The following SEC62 variants were observed in gnomAD, a reference collection of about 807,000 sequenced individuals.
SEC62 encodes SEC62 preprotein translocation factor.
A neutral mutation model predicts 47.5 loss-of-function variants in SEC62; 10 were observed. The observed-to-expected ratio is 0.21, with a 90% CI of 0.13 to 0.36. The LOEUF is 0.36. Among genes scored for constraint, SEC62 ranks in the 10% least tolerant of loss-of-function variants. The probability of loss-of-function intolerance (pLI) is 1.00; values close to 1 mark genes in which losing one functional copy is unlikely to be tolerated. For missense variants in SEC62, 327 were observed against 464.1 expected, an observed-to-expected ratio of 0.70 and a Z score of 2.71; for synonymous variants, 136 against 150.5, an observed-to-expected ratio of 0.90 and a Z score of 0.71.
At chr3:169,973,637 T>C (rs1442592725) in intron 1 of SEC62, among the ~76,000 whole-genome samples, 1 of 149,458 alleles carries the variant, frequency 6.7e-6, no homozygotes. Context: ...CACTCCAGCC[T>C]GGGAGACAGA....
intron 1 of SEC62, among the ~76,000 whole-genome samples, chr3:169,967,275 C>T (rs1714554795): frequency 6.6e-6 from 1 of 152,194 alleles, no homozygotes; most frequent in African/African-American, 2.4e-5. Context: ...GAAATTAAGG[C>T]CACGGTAATA....
At chr3:169,975,058 A>G (rs1234345874) in intron 1 of SEC62, among the ~76,000 whole-genome samples, 1 of 152,156 alleles carries the variant, frequency 6.6e-6, no homozygotes, top group Non-Finnish European at 1.5e-5. Context: ...AGGCTGGCGG[A>G]TCACTTGAGG....
In SEC62 at chr3:169,993,917, T is replaced by C. The variant is rs917758642; in HGVS notation, c.*854T>C. On this transcript the variant is annotated 3_prime_UTR_variant, in exon 8 of 8. Transcript: ENST00000337002. ...GTTTTTAGAGAAATGGAAGTTTGAG[T>C]AACCCACAGAACATCTGTGATCTTT... 2 of 152,668 alleles carry C rather than the reference T, an allele frequency of 1.3e-5. No homozygotes were observed. Among genetic ancestry groups the C allele is most frequent in the African/African-American group, 2.4e-5 (1 of 41,464 alleles). 9.5% of individuals were successfully genotyped at this position (152,668 alleles called of 1,614,324 possible).
intron 3 of SEC62, 171 bp from the exon 4 acceptor site, chr3:169,982,536 G>A (rs1715000264): frequency 1.4e-6 from 1 of 698,518 alleles, no homozygotes; most frequent in African/African-American, 1.8e-5. Context: ...ACTGTAAAGT[G>A]TTTTGATTTA....
chr3:169,967,151 G>A (rs1429372188), intron 1 of SEC62, among the ~76,000 whole-genome samples: 1 of 152,200 alleles, frequency 6.6e-6, no homozygotes, highest in Non-Finnish European at 1.5e-5. Flanking sequence ...GAGTTCCTGT[G>A]GTCGCGCTGT....
rs200790715 is a variant in SEC62 at position 169,966,811 on chromosome 3, G to C, written c.-12G>C. The C allele has an allele frequency of 7.1e-6, 11 of 1,552,806 alleles. No individual in the cohort carries two copies. The highest frequency in any genetic ancestry group is 8.7e-6 in the Non-Finnish European group (10 of 1,147,718). ...CGCTCCACGTCAGAGGGAACCGGGC[G>C]GAGCGGCCAACATGGCGGAACGCAG... On this transcript the variant is annotated 5_prime_UTR_variant, in exon 1 of 8. Coordinates refer to ENST00000337002, the MANE Select transcript of SEC62 (RefSeq NM_003262.4).
At position 169,966,855 on chromosome 3, in the gene SEC62, C is replaced by T. The variant is rs138379777; in HGVS notation, c.33C>T (p.Ile11=). MAERRRHKKR[I]QEVGEPSKEE... ...AACGCAGGAGACACAAGAAGCGGAT[C>T]CAGGTAGCAAAGCCGAGCTCTGGGC... is the stretch of plus-strand genomic sequence containing the variant. The change falls in exon 1 of 8, where the codon ATC becomes ATT. Residue 11 remains isoleucine, a synonymous_variant. Transcript: ENST00000337002. The T allele has an allele frequency of 1.3e-5, 20 of 1,556,326 alleles. No individual in the cohort carries two copies. The African/African-American group carries it at 2.7e-4, about 21-fold the overall frequency.
intron 3 of SEC62, among the ~76,000 whole-genome samples, chr3:169,978,022 G>A (rs1330582497): frequency 3.3e-5 from 5 of 152,190 alleles, no homozygotes; most frequent in Admixed American, 6.5e-5. Flanking sequence ...GCTCATGCCC[G>A]TAATCCCAGC....
intron 1 of SEC62, among the ~76,000 whole-genome samples, chr3:169,972,930 T>G (rs1241068206): frequency 6.6e-6 from 1 of 152,158 alleles, no homozygotes; most frequent in African/African-American, 2.4e-5. Flanking sequence ...CCCCACAATT[T>G]TTAATCAAGC....
intron 1 of SEC62, among the ~76,000 whole-genome samples, chr3:169,972,986 A>G (rs1415798819): frequency 4.6e-5 from 7 of 152,202 alleles, no homozygotes; most frequent in Non-Finnish European, 1.0e-4. Context: ...TTAAGTTGAC[A>G]ACAGATGTAT....
At chr3:169,967,794 C>A (rs879441090) in intron 1 of SEC62, among the ~76,000 whole-genome samples, 2 of 152,146 alleles carry the variant, frequency 1.3e-5, no homozygotes, top group African/African-American at 2.4e-5. Context: ...TTACTATAAT[C>A]ATAAATTGTT....
At chr3:169,974,388 A>C (rs1295320137) in intron 1 of SEC62, among the ~76,000 whole-genome samples, 1 of 152,250 alleles carries the variant, frequency 6.6e-6, no homozygotes, top group Admixed American at 6.5e-5. Flanking sequence ...GTTTATACAT[A>C]AGATGTATAC....
rs763837785 is a variant in SEC62, at chr3:169,988,310, C to T, written c.681C>T (p.Leu227=). Residue 227 remains leucine (L), a synonymous_variant, in exon 7 of 8, where the codon CTC becomes CTT. Transcript: ENST00000337002. The stretch of plus-strand genomic sequence containing the variant: ...AAATGAGAGTAGGTGTTTATTACCT[C>T]AGTGTGGGTGCAGGCTGTTTTGTAG... ...PAEMRVGVYY[L]SVGAGCFVAS... 1.2e-6 allele frequency: 2 copies of T among 1,613,836 alleles called. No homozygotes were observed. The highest frequency in any genetic ancestry group is 2.7e-5 in the African/African-American group (2 of 74,906).
chr3:169,994,116 T>C lies in SEC62; in HGVS notation c.*1053T>C, dbSNP rs2108290480. 1 of 152,656 alleles carries C rather than the reference T, an allele frequency of 6.6e-6. No individual in the cohort carries two copies. The highest frequency in any genetic ancestry group is 1.5e-5 in the Non-Finnish European group (1 of 68,034). The allele number at this position is 152,656 out of a possible 1,614,324, so 9.5% of individuals were successfully genotyped here. A position where few individuals can be genotyped will look rare whatever the true frequency, so the allele number is the denominator to read the frequency against. On this transcript the variant is annotated 3_prime_UTR_variant, in exon 8 of 8. Coordinates refer to ENST00000337002, the MANE Select transcript of SEC62 (RefSeq NM_003262.4). Reference sequence around the variant, plus strand: ...ATTATCAGACCAGGAGGCATTGCTGTGAAAGATAATTTCCTATTCTAAAAT... The same window carrying C: ...ATTATCAGACCAGGAGGCATTGCTGCGAAAGATAATTTCCTATTCTAAAAT...
chr3:169,972,580 CTTTTTTTTTTTTT>C (rs11391826), intron 1 of SEC62, among the ~76,000 whole-genome samples: 1 of 114,936 alleles, frequency 8.7e-6, no homozygotes, highest in South Asian at 3.1e-4. Flanking sequence ...CTTTTTCTAT[CTTTTTTTTTTTTT>C]TTTTTTTATG....
Position 169,996,872 on chromosome 3 carries a change from A to G in SEC62, c.*3809A>G, listed in dbSNP as rs1055828384. 6.6e-6 allele frequency: 1 copy of G among 152,174 alleles called. No individual in the cohort carries two copies. Among genetic ancestry groups the G allele is most frequent in the Admixed American group, 6.5e-5 (1 of 15,276 alleles). 9.4% of individuals were successfully genotyped at this position (152,174 alleles called of 1,614,324 possible). On this transcript the variant is annotated 3_prime_UTR_variant, in exon 8 of 8. Coordinates refer to ENST00000337002, the MANE Select transcript of SEC62 (RefSeq NM_003262.4). ...ATACCTATACTTATCTCCTCATAATATCTTCATGTAAAGAACCATCTGTTT... is the reference window on the plus strand; with the variant it reads ...ATACCTATACTTATCTCCTCATAATGTCTTCATGTAAAGAACCATCTGTTT...
At chr3:169,972,907 A>G (rs778968299) in intron 1 of SEC62, among the ~76,000 whole-genome samples, 3 of 152,200 alleles carry the variant, frequency 2.0e-5, no homozygotes, top group Non-Finnish European at 4.4e-5. Context: ...GGTCACATTT[A>G]TTCAGACTTC....
At chr3:169,983,323 A>G in intron 5 of SEC62, 70 bp downstream of exon 5, 1 of 986,076 alleles carries the variant, frequency 1.0e-6, no homozygotes, top group Non-Finnish European at 1.5e-6. Flanking sequence ...TGATGCCTTC[A>G]CTAATAAAAG....
At chr3:169,986,337 A>G (rs1056161650) in intron 6 of SEC62, among the ~76,000 whole-genome samples, 6 of 152,248 alleles carry the variant, frequency 3.9e-5, no homozygotes, top group African/African-American at 1.4e-4. Context: ...GTTCCCATAC[A>G]GTTGCACAAA....
Sources: allele counts gnomAD v4.1 joint callset (sites outside exome capture counted in the v4.1 genomes callset), GRCh38; gene constraint gnomAD v4.1.1; transcripts MANE v1.5; gene names NCBI Gene and HGNC (gene_info 2026-07-23, HGNC 2026-07-21).